Variants in ARHGAP20 observed in about 807,000 individuals in gnomAD.
ARHGAP20 encodes Rho GTPase activating protein 20, also known as rho GTPase-activating protein 20.
ARHGAP20 carries 34 observed loss-of-function variants against 73.7 expected under a neutral mutation model. That is an observed-to-expected ratio of 0.46 (90% CI 0.35 to 0.61). The LOEUF is 0.61. Among genes scored for constraint, ARHGAP20 ranks in the 20% least tolerant of loss-of-function variants. The pLI, the probability that ARHGAP20 is intolerant of heterozygous loss-of-function variation, is 0.00. For synonymous variants in ARHGAP20, 523 were observed against 518.2 expected (o/e 1.01, Z -0.13); for missense variants, 1,314 against 1,420.9 (o/e 0.92, Z 1.21).
chr11:110,649,432 T>C (rs931586790), intron 2 of ARHGAP20, among the ~76,000 whole-genome samples: 1 of 151,980 alleles, frequency 6.6e-6, no homozygotes, highest in Admixed American at 6.6e-5. Context: ...TTGACTGCCA[T>C]CAATATGTAT....
chr11:110,653,727 T>TAC (rs148577458), intron 2 of ARHGAP20, among the ~76,000 whole-genome samples: 3,875 of 152,266 alleles, frequency 0.025, 153 homozygotes, highest in African/African-American at 0.081. Flanking sequence ...ACTGGGTATA[T>TAC]ACCCAAAGGA....
chr11:110,585,093 G>C (rs1947622521), intron 12 of ARHGAP20, among the ~76,000 whole-genome samples: 1 of 150,038 alleles, frequency 6.7e-6, no homozygotes, highest in South Asian at 2.1e-4. Flanking sequence ...GAATATATGT[G>C]AATATATGAA....
At chr11:110,709,041 C>G (rs1950600238) in intron 1 of ARHGAP20, among the ~76,000 whole-genome samples, 1 of 152,152 alleles carries the variant, frequency 6.6e-6, no homozygotes, top group Admixed American at 6.5e-5. Context: ...TGGCACTACT[C>G]TCCCCTAATT....
chr11:110,619,722 T>C (rs1948586546), intron 4 of ARHGAP20, among the ~76,000 whole-genome samples: 2 of 151,708 alleles, frequency 1.3e-5, no homozygotes, highest in Admixed American at 1.3e-4. Context: ...ATAGAGTATA[T>C]GTAGTGATAG....
intron 9 of ARHGAP20, among the ~76,000 whole-genome samples, chr11:110,597,112 G>T (rs544612424): frequency 6.9e-6 from 1 of 143,902 alleles, no homozygotes; most frequent in Non-Finnish European, 1.5e-5. Flanking sequence ...GACACAGGAA[G>T]GGGAACGTCA....
rs764622479 is a variant in ARHGAP20, at chr11:110,579,501, T to G, written c.3445A>C (p.Ser1149Arg). Residue 1149 changes from serine (S) to arginine (R), a missense_variant, in exon 15 of 15, where the codon AGC becomes CGC. This residue lies in a region of ARHGAP20 where 641 missense variants were observed against 636.9 expected (regional missense o/e 1.01). Coordinates refer to ENST00000683387, the MANE Select transcript of ARHGAP20 (RefSeq NM_001384657.1). ...TCCCAAGGCAGAGAACCAGAAGAGC[T>G]CTGACTACCAGGCTCTATTTCCTCA... is the stretch of plus-strand genomic sequence containing the variant. ...SHEEIEPGSQ[S>R]SSGSLPWERA... The G allele has an allele frequency of 6.2e-7, 1 of 1,614,132 alleles. No homozygotes were observed. The highest frequency in any genetic ancestry group is 1.1e-5 in the South Asian group (1 of 91,072).
intron 2 of ARHGAP20, among the ~76,000 whole-genome samples, chr11:110,675,559 C>T (rs1388863367): frequency 6.6e-6 from 1 of 152,102 alleles, no homozygotes; most frequent in African/African-American, 2.4e-5. Context: ...CAGGCACAGG[C>T]TTTAGATTCC....
intron 2 of ARHGAP20, among the ~76,000 whole-genome samples, chr11:110,645,879 T>A (rs1204785835): frequency 6.6e-6 from 1 of 152,098 alleles, no homozygotes; most frequent in Non-Finnish European, 1.5e-5. Context: ...GAAAACCAAA[T>A]ACTCCACATT....
At chr11:110,630,867 T>A (rs76544134) in intron 2 of ARHGAP20, 75 bp from the exon 3 acceptor site, 2 of 1,440,596 alleles carry the variant, frequency 1.4e-6, no homozygotes. Context: ...AATTCTGTAA[T>A]TTTTTTTAAT....
chr11:110,636,624 G>C (rs1948973285), intron 2 of ARHGAP20, among the ~76,000 whole-genome samples: 1 of 151,982 alleles, frequency 6.6e-6, no homozygotes, highest in Non-Finnish European at 1.5e-5. Context: ...CTATATGTAA[G>C]TGTGGTGAGA....
intron 2 of ARHGAP20, among the ~76,000 whole-genome samples, chr11:110,688,138 C>T (rs911297264): frequency 5.3e-5 from 8 of 152,070 alleles, no homozygotes; most frequent in Admixed American, 2.6e-4. Flanking sequence ...ATGCAGGAAC[C>T]CACCATTCTT....
At position 110,690,859 on chromosome 11, in the gene ARHGAP20, C is replaced by T. The variant is rs569592154; in HGVS notation, c.106-230G>A. Reference sequence around the variant, plus strand: ...AAAAGCAATAAGTATTTTTTGTGGTCAGAGAATAAAGAGGTTAAATGTTTA... The same window carrying T: ...AAAAGCAATAAGTATTTTTTGTGGTTAGAGAATAAAGAGGTTAAATGTTTA... On this transcript the variant is annotated intron_variant, in intron 1 of 14. Coordinates refer to ENST00000683387, the MANE Select transcript of ARHGAP20 (RefSeq NM_001384657.1). The T allele has an allele frequency of 2.4e-4, 241 of 995,336 alleles. 2 individuals carry two copies. The South Asian group carries it at 4.0e-3, about 16-fold the overall frequency. The allele number at this position is 995,336 out of a possible 1,614,324, so 61.7% of individuals were successfully genotyped here.
At chr11:110,588,334 AACGGTTTG>A (rs1947727627) in intron 11 of ARHGAP20, among the ~76,000 whole-genome samples, 1 of 152,226 alleles carries the variant, frequency 6.6e-6, no homozygotes. Context: ...ACTTTTCCTC[AACGGTTTG>A]ATGGATCAAA....
At chr11:110,696,352 C>A (rs1950335342) in intron 1 of ARHGAP20, among the ~76,000 whole-genome samples, 1 of 151,674 alleles carries the variant, frequency 6.6e-6, no homozygotes, top group South Asian at 2.1e-4. Context: ...AGAAACCTAA[C>A]TACCAAATTA....
chr11:110,712,305 G>C lies in ARHGAP20; in HGVS notation c.-74C>G. 2.5e-6 allele frequency: 3 copies of C among 1,199,454 alleles called. No homozygotes were observed. Among genetic ancestry groups the C allele is most frequent in the Non-Finnish European group, 3.2e-6 (3 of 942,116 alleles). 74.3% of individuals were successfully genotyped at this position (1,199,454 alleles called of 1,614,324 possible). On this transcript the variant is annotated 5_prime_UTR_variant, in exon 1 of 15. Transcript: ENST00000683387. ...ATGTCCGCGGGCTGCCGGCCGGAGGGGCGAGGACGCGCGGGCGGAGGCGCG... is the reference window on the plus strand; with the variant it reads ...ATGTCCGCGGGCTGCCGGCCGGAGGCGCGAGGACGCGCGGGCGGAGGCGCG...
intron 14 of ARHGAP20, among the ~76,000 whole-genome samples, chr11:110,581,942 A>C (rs545760192): frequency 2.0e-5 from 3 of 152,186 alleles, no homozygotes; most frequent in Admixed American, 6.5e-5. Flanking sequence ...AAAAAAAAAA[A>C]AAAAAACATT....
chr11:110,610,742 C>T (rs1370262362), intron 7 of ARHGAP20, among the ~76,000 whole-genome samples: 2 of 152,090 alleles, frequency 1.3e-5, no homozygotes, highest in Non-Finnish European at 2.9e-5. Context: ...GTGGTGTGCA[C>T]ACTAAAGCTC....
rs1010733353 is a variant in ARHGAP20, at chr11:110,653,919, C to A, written c.189-23127G>T. Among the ~76,000 whole-genome samples, 5 of 152,062 alleles carry A rather than the reference C, an allele frequency of 3.3e-5. 1 individual carries two copies. In the South Asian group the frequency reaches 6.2e-4, roughly 19 times the overall value. On this transcript the variant is annotated intron_variant, in intron 2 of 14. Transcript: ENST00000683387. ...AACAAGATAATGTCCTTTGCATGGA[C>A]ATGGATGGAGCTGGGTGCAAACTAA...
chr11:110,620,826 C>A (rs748169295), intron 4 of ARHGAP20, among the ~76,000 whole-genome samples: 7 of 151,242 alleles, frequency 4.6e-5, no homozygotes, highest in African/African-American at 1.7e-4. Context: ...AATCCCAGCA[C>A]TTTGGGAGGC....
Sources: gnomAD v4.1 joint callset for allele counts (sites outside exome capture counted in the v4.1 genomes callset) on GRCh38, gnomAD v4.1.1 for gene constraint, gnomAD v4.1.1 regional missense constraint, MANE v1.5 for transcripts, NCBI Gene and HGNC (gene_info 2026-07-23, HGNC 2026-07-21) for gene names.